The following BEND6 variants were observed in gnomAD, a reference collection of about 807,000 sequenced individuals.
BEND6 encodes the protein BEN domain containing 6.
A neutral mutation model predicts 31.8 loss-of-function variants in BEND6; 24 were observed. The ratio of observed to expected loss-of-function variants is 0.75; its 90% CI spans 0.55 to 1.06. The LOEUF (loss-of-function observed/expected upper bound fraction) is 1.06, where lower values mean the gene tolerates loss of function less well. BEND6 is among the 50% of genes least tolerant of loss of function. BEND6 has a pLI of 0.00. For missense variants in BEND6, 294 were observed against 327.4 expected (o/e 0.90, Z 0.79); for synonymous variants, 109 against 114.6 (o/e 0.95, Z 0.31).
chr6:56,990,225 G>T (rs1231797724), intron 2 of BEND6, among the ~76,000 whole-genome samples: 1 of 146,766 alleles, frequency 6.8e-6, no homozygotes, highest in Non-Finnish European at 1.5e-5. Context: ...TCATCTGCAT[G>T]CATCTATTTT....
At chr6:56,969,471 G>A (rs576914168) in intron 1 of BEND6, among the ~76,000 whole-genome samples, 1 of 152,136 alleles carries the variant, frequency 6.6e-6, no homozygotes, top group Admixed American at 6.5e-5. Context: ...TTTATTTAGA[G>A]GGGAGTCTTC....
chr6:57,004,481 A>T, intron 3 of BEND6: 4 of 656,202 alleles, frequency 6.1e-6, no homozygotes, highest in Non-Finnish European at 8.4e-6. Context: ...GCGCCCTGGG[A>T]CCGTCCCAAG....
chr6:57,002,971 G>GA (rs1230172048), intron 3 of BEND6, among the ~76,000 whole-genome samples: 1 of 151,776 alleles, frequency 6.6e-6, no homozygotes, highest in Non-Finnish European at 1.5e-5. Flanking sequence ...AATTAACAAA[G>GA]AAAAAAACAG....
chr6:57,020,925 A>C (rs1043268520), intron 6 of BEND6, among the ~76,000 whole-genome samples: 1 of 152,020 alleles, frequency 6.6e-6, no homozygotes, highest in Non-Finnish European at 1.5e-5. Flanking sequence ...ATGTTAAAGA[A>C]GTGAAAGTTA....
intron 1 of BEND6, among the ~76,000 whole-genome samples, chr6:56,965,539 C>A: frequency 6.6e-6 from 1 of 151,668 alleles, no homozygotes; most frequent in African/African-American, 2.4e-5. Flanking sequence ...CTAGGATTTT[C>A]AGTGAGAGAG....
At chr6:57,000,169 CAAAG>C (rs1447921302) in intron 3 of BEND6, among the ~76,000 whole-genome samples, 2 of 151,538 alleles carry the variant, frequency 1.3e-5, no homozygotes, top group Non-Finnish European at 2.9e-5. Context: ...GTGGGGAAAA[CAAAG>C]AGAGATCAGA....
chr6:57,017,696 A>T (rs9296859), intron 5 of BEND6, among the ~76,000 whole-genome samples: 1 of 151,976 alleles, frequency 6.6e-6, no homozygotes, highest in Non-Finnish European at 1.5e-5. Flanking sequence ...TTCAATAACA[A>T]TTTCTTCCTT....
In BEND6 at chr6:57,018,443, C is replaced by A. The variant is rs761679733; in HGVS notation, c.735C>A (p.Pro245=). 2 of 1,583,806 alleles carry A rather than the reference C, an allele frequency of 1.3e-6. No homozygotes were observed. The highest frequency in any genetic ancestry group is 1.7e-6 in the Non-Finnish European group (2 of 1,170,432). ...EIIGVTKQLF[P]NTDDVSIRRM... The stretch of plus-strand genomic sequence containing the variant: ...CAGGAGTAACAAAACAATTATTTCC[C>A]AATACGGATGATGTTTCAATTAGGA... The change falls in exon 6 of 7, where the codon CCC becomes CCA. Residue 245 remains proline (P), a synonymous_variant. Transcript: ENST00000370746.
Position 56,955,296 on chromosome 6 carries a change from C to G in BEND6, c.-265C>G, listed in dbSNP as rs973630619. On this transcript the variant is annotated 5_prime_UTR_variant, in exon 1 of 7. It adds an upstream start codon to the 5' untranslated region. Coordinates refer to ENST00000370746, the MANE Select transcript of BEND6 (RefSeq NM_152731.3). ...CCGGACACCCGGAGCTTCCGCCTAT[C>G]CAGCCTCCCTCGGCCAAATTGCTGC... is the stretch of plus-strand genomic sequence containing the variant. The G allele has an allele frequency of 6.6e-6, 1 of 152,218 alleles. No homozygotes were observed. Among genetic ancestry groups the G allele is most frequent in the Non-Finnish European group, 1.5e-5 (1 of 68,068 alleles). The allele number at this position is 152,218 out of a possible 1,614,324, so 9.4% of individuals were successfully genotyped here.
chr6:56,958,073 C>T (rs1825156605), intron 1 of BEND6, among the ~76,000 whole-genome samples: 1 of 152,134 alleles, frequency 6.6e-6, no homozygotes, highest in Admixed American at 6.5e-5. Context: ...GGAAGGAACC[C>T]AACCTGTTCA....
intron 3 of BEND6, chr6:57,009,524 A>AT (rs1827274016): frequency 2.6e-5 from 4 of 152,334 alleles, no homozygotes; most frequent in Admixed American, 2.6e-4. Flanking sequence ...TGCCCTTGTA[A>AT]TATCATTAAC....
chr6:56,993,421 G>A (rs551615318), intron 3 of BEND6, among the ~76,000 whole-genome samples: 1 of 152,254 alleles, frequency 6.6e-6, no homozygotes, highest in South Asian at 2.1e-4. Flanking sequence ...CCACCAGAAA[G>A]GCCATACAAT....
In BEND6 at chr6:56,965,440, G is replaced by A. The variant is rs151155207; in HGVS notation, c.-101+9980G>A. ...TAATATATGATATTAGGCCAGGCAT[G>A]GTGGCTCATACCTGTAACACCAGGA... On this transcript the variant is annotated intron_variant, in intron 1 of 6. Transcript: ENST00000370746. Among the ~76,000 whole-genome samples, 1,468 of 152,024 alleles carry A rather than the reference G, an allele frequency of 9.7e-3. 16 individuals are homozygous for A. The highest frequency in any genetic ancestry group is 0.033 in the African/African-American group (1,383 of 41,494).
At chr6:56,979,353 A>G (rs867375782) in intron 1 of BEND6, among the ~76,000 whole-genome samples, 3 of 152,216 alleles carry the variant, frequency 2.0e-5, no homozygotes, top group Admixed American at 2.0e-4. Context: ...TATGCAATAA[A>G]CATCCTAAAA....
intron 1 of BEND6, among the ~76,000 whole-genome samples, chr6:56,978,121 A>C (rs528977534): frequency 2.2e-4 from 33 of 151,868 alleles, no homozygotes; most frequent in South Asian, 8.3e-4. Flanking sequence ...AAACAAAAAA[A>C]AAAAACTAAA....
At chr6:57,002,239 C>T (rs13220575) in intron 3 of BEND6, among the ~76,000 whole-genome samples, 19,494 of 152,176 alleles carry the variant, frequency 0.13, 1,464 homozygotes, top group Middle Eastern at 0.2. Flanking sequence ...TATAAGAAGA[C>T]TTAGACAGCC....
In BEND6 at chr6:56,993,503, T is replaced by C. The variant is rs1009249195; in HGVS notation, c.298+948T>C. ...GAAAATAGAGGGGTTCACAATGCAT[T>C]TGGAGACAGAATAGTAATAAGAGAC... On this transcript the variant is annotated intron_variant, in intron 3 of 6. Coordinates refer to ENST00000370746, the MANE Select transcript of BEND6 (RefSeq NM_152731.3). Among the ~76,000 whole-genome samples the C allele has an allele frequency of 2.6e-5, 4 of 152,110 alleles. No homozygotes were observed. In the East Asian group the frequency reaches 7.7e-4, roughly 29 times the overall value.
chr6:56,998,987 T>C (rs1214985170), intron 3 of BEND6, among the ~76,000 whole-genome samples: 2 of 152,216 alleles, frequency 1.3e-5, no homozygotes, highest in Non-Finnish European at 2.9e-5. Flanking sequence ...AGAAAATTGC[T>C]GGGTTCATCA....
chr6:57,007,758 A>T (rs141773128), intron 3 of BEND6, among the ~76,000 whole-genome samples: 18 of 152,042 alleles, frequency 1.2e-4, no homozygotes, highest in Middle Eastern at 3.4e-3. Flanking sequence ...TGATCATGCC[A>T]CTTTGTTCCC....
Sources: allele counts gnomAD v4.1 joint callset (sites outside exome capture counted in the v4.1 genomes callset), GRCh38; gene constraint gnomAD v4.1.1; transcripts MANE v1.5; gene names NCBI Gene and HGNC (gene_info 2026-07-23, HGNC 2026-07-21).